Variants in UBE2E3 observed in about 807,000 individuals in gnomAD.
UBE2E3 encodes the protein ubiquitin-conjugating enzyme E2 E3.
In UBE2E3, 5 loss-of-function variants were observed where a neutral mutation model predicts 23.6. That is an observed-to-expected ratio of 0.21 (90% CI 0.11 to 0.44). The LOEUF (loss-of-function observed/expected upper bound fraction) is 0.44, where lower values mean the gene tolerates loss of function less well. Among genes scored for constraint, UBE2E3 ranks in the 20% least tolerant of loss-of-function variants. The pLI is 0.99. For synonymous variants in UBE2E3, 78 were observed against 87.5 expected, an observed-to-expected ratio of 0.89 and a Z score of 0.60; for missense variants, 81 against 249.8, an observed-to-expected ratio of 0.32 and a Z score of 4.55.
At chr2:181,027,443 A>G (rs914637800) in intron 3 of UBE2E3, among the ~76,000 whole-genome samples, 2 of 151,960 alleles carry the variant, frequency 1.3e-5, no homozygotes, top group South Asian at 2.1e-4. Context: ...AATAGGAACT[A>G]TTTGACCCAT....
In UBE2E3 at chr2:180,984,058, A is replaced by G; in HGVS notation, c.210A>G (p.Leu70=). The G allele has an allele frequency of 1.2e-6, 2 of 1,612,106 alleles. No individual in the cohort carries two copies. The highest frequency in any genetic ancestry group is 8.5e-7 in the Non-Finnish European group (1 of 1,178,662). The change falls in exon 3 of 6, where the codon CTA becomes CTG. Residue 70 remains leucine (L), a synonymous_variant. Coordinates refer to ENST00000410062, the MANE Select transcript of UBE2E3 (RefSeq NM_006357.4). ...STSAKRIQKE[L]AEITLDPPPN... is the part of the protein sequence containing the mutation. ...TCACTAACAGAATTCAGAAGGAGCT[A>G]GCTGAAATAACCCTTGATCCTCCTC...
chr2:181,013,476 GCT>G, intron 3 of UBE2E3, among the ~76,000 whole-genome samples: 1 of 141,280 alleles, frequency 7.1e-6, no homozygotes, highest in Non-Finnish European at 1.6e-5. Context: ...TTCCTCACTG[GCT>G]GTTGGCAAAT....
chr2:181,031,708 A>C (rs1355279409), intron 3 of UBE2E3, among the ~76,000 whole-genome samples: 1 of 152,020 alleles, frequency 6.6e-6, no homozygotes, highest in Non-Finnish European at 1.5e-5. Flanking sequence ...TTTGCTCATA[A>C]TTCCATTCCT....
At chr2:181,054,333 TG>T (rs1404422987) in intron 3 of UBE2E3, among the ~76,000 whole-genome samples, 1 of 151,912 alleles carries the variant, frequency 6.6e-6, no homozygotes, top group Non-Finnish European at 1.5e-5. Context: ...TTGCATTTCC[TG>T]TACCATTTTG....
chr2:181,014,159 A>G (rs905216368), intron 3 of UBE2E3, among the ~76,000 whole-genome samples: 2 of 152,178 alleles, frequency 1.3e-5, no homozygotes, highest in Non-Finnish European at 2.9e-5. Flanking sequence ...ATATTCGGAG[A>G]TAGGAAATCC....
chr2:180,997,087 G>T (rs1410374352), intron 3 of UBE2E3, among the ~76,000 whole-genome samples: 3 of 148,230 alleles, frequency 2.0e-5, no homozygotes, highest in Admixed American at 6.7e-5. Flanking sequence ...AAGGATTTCT[G>T]TTACCCCATT....
At chr2:181,056,761 C>T (rs1456814963) in intron 3 of UBE2E3, among the ~76,000 whole-genome samples, 3 of 151,732 alleles carry the variant, frequency 2.0e-5, no homozygotes, top group Non-Finnish European at 2.9e-5. Flanking sequence ...AGGATATTTG[C>T]CTGGTCTTGA....
chr2:181,018,370 GTA>G (rs35440345), intron 3 of UBE2E3, among the ~76,000 whole-genome samples: 35,037 of 149,268 alleles, frequency 0.23, 4,335 homozygotes, highest in Non-Finnish European at 0.29. Context: ...CTGTGTGTGT[GTA>G]TATATATATA....
At chr2:181,016,912 G>C (rs1685508602) in intron 3 of UBE2E3, among the ~76,000 whole-genome samples, 1 of 152,198 alleles carries the variant, frequency 6.6e-6, no homozygotes, top group African/African-American at 2.4e-5. Context: ...CAAGGGCCCA[G>C]AGAGAGGGAA....
intron 3 of UBE2E3, among the ~76,000 whole-genome samples, chr2:181,010,797 T>G (rs1685301429): frequency 6.6e-6 from 1 of 152,094 alleles, no homozygotes. Flanking sequence ...TACCTCCTGT[T>G]GTCATATCCT....
intron 3 of UBE2E3, among the ~76,000 whole-genome samples, chr2:181,018,989 G>T (rs1010033095): frequency 1.3e-5 from 2 of 151,964 alleles, no homozygotes; most frequent in Non-Finnish European, 2.9e-5. Context: ...TTGAGATGGA[G>T]TTTTGCTCTT....
chr2:180,997,287 C>T (rs1421792326), intron 3 of UBE2E3, among the ~76,000 whole-genome samples: 1 of 151,312 alleles, frequency 6.6e-6, no homozygotes, highest in Non-Finnish European at 1.5e-5. Flanking sequence ...TCTTATATTT[C>T]TTTCATATTT....
chr2:181,034,338 T>A (rs1357698567), intron 3 of UBE2E3, among the ~76,000 whole-genome samples: 1 of 152,196 alleles, frequency 6.6e-6, no homozygotes, highest in African/African-American at 2.4e-5. Flanking sequence ...CATGGAATAC[T>A]GTGCAGCCAT....
intron 3 of UBE2E3, among the ~76,000 whole-genome samples, chr2:181,000,012 A>G (rs1278334603): frequency 6.6e-6 from 1 of 152,238 alleles, no homozygotes; most frequent in Non-Finnish European, 1.5e-5. Context: ...ACAAATAGCA[A>G]TGATCAGTGA....
At chr2:181,026,945 T>C (rs1038912211) in intron 3 of UBE2E3, among the ~76,000 whole-genome samples, 5 of 151,928 alleles carry the variant, frequency 3.3e-5, no homozygotes, top group Non-Finnish European at 7.4e-5. Context: ...GCAATTTGCA[T>C]TTATAATTTT....
chr2:180,984,183 GACA>G (rs752488005), intron 3 of UBE2E3, 90 bp downstream of exon 3: 3 of 1,125,330 alleles, frequency 2.7e-6, no homozygotes, highest in South Asian at 1.7e-5. Context: ...CAGCAGAGGA[GACA>G]ACATTTGCTT....
chr2:181,060,680 A>G lies in UBE2E3; in HGVS notation c.394A>G (p.Arg132Gly). ...FKPPKVTFRT[R>G]IYHCNINSQG... ...CTGTGCTTAGGTTACTTTCCGCACC[A>G]GAATCTATCACTGCAACATCAACAG... The change falls in exon 5 of 6, where the codon AGA (arginine) becomes GGA (glycine). Residue 132 changes from arginine (R) to glycine (G), a missense_variant. Transcript: ENST00000410062. The G allele has an allele frequency of 6.2e-7, 1 of 1,605,666 alleles. No individual in the cohort carries two copies.
chr2:181,005,002 A>G (rs1016511997), intron 3 of UBE2E3, among the ~76,000 whole-genome samples: 1 of 152,254 alleles, frequency 6.6e-6, no homozygotes, highest in Non-Finnish European at 1.5e-5. Flanking sequence ...CAAACTCAGC[A>G]CTGTGTGTAA....
At chr2:181,053,937 T>G (rs1686916225) in intron 3 of UBE2E3, among the ~76,000 whole-genome samples, 1 of 151,794 alleles carries the variant, frequency 6.6e-6, no homozygotes, top group South Asian at 2.1e-4. Context: ...ATAGATGGAG[T>G]CATACAGTAT....
Sources: gnomAD v4.1 joint callset for allele counts (sites outside exome capture counted in the v4.1 genomes callset) on GRCh38, gnomAD v4.1.1 for gene constraint, MANE v1.5 for transcripts, NCBI Gene and HGNC (gene_info 2026-07-23, HGNC 2026-07-21) for gene names.